RARB: variants seen among roughly 807,000 people sequenced by gnomAD.
RARB encodes HBV-activated protein.
In RARB, 17 loss-of-function variants were observed where a neutral mutation model predicts 51.9. The ratio of observed to expected loss-of-function variants is 0.33; its 90% CI spans 0.22 to 0.49. The LOEUF (loss-of-function observed/expected upper bound fraction) is 0.49, where lower values mean the gene tolerates loss of function less well. Ranked by LOEUF, RARB falls within the 20% of genes least tolerant of loss-of-function variation. The pLI is 0.99. For synonymous variants in RARB, 215 were observed against 195.4 expected, an observed-to-expected ratio of 1.10 and a Z score of -0.84; for missense variants, 369 against 550.8, an observed-to-expected ratio of 0.67 and a Z score of 3.30.
rs548078155 is a variant in RARB at position 25,190,909 on chromosome 3, G to A, written c.178+16334G>A. On this transcript the variant is annotated intron_variant, in intron 5 of 11. Coordinates refer to the RARB transcript ENST00000383772. ...AAAATCATCTGGTTCAGAAACTTGT[G>A]CTAAATCAAGTCAGAGTCAATTAAT... Among the ~76,000 whole-genome samples the A allele has an allele frequency of 2.0e-5, 3 of 152,214 alleles. No homozygotes were observed. In the South Asian group the frequency reaches 6.2e-4, roughly 32 times the overall value.
At chr3:24,911,587 T>A (rs1381850458) in intron 2 of RARB, among the ~76,000 whole-genome samples, 2 of 152,222 alleles carry the variant, frequency 1.3e-5, no homozygotes, top group Admixed American at 6.5e-5. Flanking sequence ...GGTAGTGTCT[T>A]AACACTGAAA....
chr3:24,864,035 G>A (rs1702804328), intron 2 of RARB, among the ~76,000 whole-genome samples: 1 of 152,158 alleles, frequency 6.6e-6, no homozygotes, highest in Admixed American at 6.6e-5. Context: ...GCCCATGAAT[G>A]TGATTTTCTG....
At chr3:24,881,653 C>A (rs1206179205) in intron 2 of RARB, among the ~76,000 whole-genome samples, 1 of 152,028 alleles carries the variant, frequency 6.6e-6, no homozygotes, top group Non-Finnish European at 1.5e-5. Flanking sequence ...TTACTGGAAT[C>A]CAGAAGACAA....
At chr3:25,145,821 C>G (rs1255299703) in intron 4 of RARB, among the ~76,000 whole-genome samples, 1 of 131,318 alleles carries the variant, frequency 7.6e-6, no homozygotes, top group African/African-American at 2.9e-5. Context: ...CATGGTAAAA[C>G]CCCATCTCTA....
chr3:24,962,689 C>G (rs987490046), intron 2 of RARB, among the ~76,000 whole-genome samples: 1 of 152,162 alleles, frequency 6.6e-6, no homozygotes, highest in Non-Finnish European at 1.5e-5. Flanking sequence ...GTTGCATGTC[C>G]TTATGAGAAT....
chr3:25,092,682 G>A lies in RARB; in HGVS notation c.-328+32506G>A, dbSNP rs144021196. 3.9e-3 allele frequency among the ~76,000 whole-genome samples: 591 copies of A among 152,134 alleles called. 3 individuals carry two copies. The highest frequency in any genetic ancestry group is 0.013 in the African/African-American group (534 of 41,498). ...TTTTTTAATTGTGCAGAAATTTTGC[G>A]AATGCCTTCTCTTTGATAAGACGCC... On this transcript the variant is annotated intron_variant, in intron 3 of 11. Coordinates refer to the RARB transcript ENST00000383772.
chr3:25,153,668 G>A (rs1700329662), intron 4 of RARB, among the ~76,000 whole-genome samples: 1 of 152,156 alleles, frequency 6.6e-6, no homozygotes, highest in Admixed American at 6.5e-5. Context: ...TTTTTCAACA[G>A]TCAGGCCTAA....
chr3:24,900,790 G>A (rs1254046328), intron 2 of RARB, among the ~76,000 whole-genome samples: 1 of 152,164 alleles, frequency 6.6e-6, no homozygotes, highest in Non-Finnish European at 1.5e-5. Flanking sequence ...TTCGGTTTGA[G>A]CAGTGATACC....
At chr3:24,880,099 T>G (rs1703129956) in intron 2 of RARB, among the ~76,000 whole-genome samples, 4 of 152,182 alleles carry the variant, frequency 2.6e-5, no homozygotes. Flanking sequence ...TCTTGCCAGT[T>G]CATCAATGCT....
rs185374537 is a variant in RARB at position 25,181,212 on chromosome 3, C to T, written c.178+6637C>T. 2.0e-5 allele frequency among the ~76,000 whole-genome samples: 3 copies of T among 152,252 alleles called. No homozygotes were observed. The East Asian group carries it at 5.8e-4, about 29-fold the overall frequency. The stretch of plus-strand genomic sequence containing the variant: ...ACTGAAAACCATTTAGATCTAAAAC[C>T]CTGATTGCTCTTTGGCCCTTCAGGA... On this transcript the variant is annotated intron_variant, in intron 5 of 11. Transcript: ENST00000383772.
chr3:25,474,749 TCTG>T (rs1695870597), intron 2 of RARB, among the ~76,000 whole-genome samples: 1 of 152,214 alleles, frequency 6.6e-6, no homozygotes, highest in Non-Finnish European at 1.5e-5. Context: ...ATTAAGTGAT[TCTG>T]CTAATTCTTG....
chr3:25,111,397 C>T (rs536393610), intron 3 of RARB, among the ~76,000 whole-genome samples: 25 of 152,226 alleles, frequency 1.6e-4, no homozygotes, highest in African/African-American at 5.5e-4. Flanking sequence ...CTGTTACCAC[C>T]TGTAGCCTTA....
At chr3:24,976,746 C>T (rs752981423) in intron 2 of RARB, among the ~76,000 whole-genome samples, 1 of 152,144 alleles carries the variant, frequency 6.6e-6, no homozygotes, top group Non-Finnish European at 1.5e-5. Context: ...TTTTGCTGTG[C>T]AGAAGCTCTT....
intron 1 of RARB, among the ~76,000 whole-genome samples, chr3:25,450,954 C>T (rs1026032291): frequency 7.9e-5 from 12 of 152,176 alleles, no homozygotes; most frequent in Middle Eastern, 3.4e-3. Context: ...GGCGTGGTGG[C>T]GCACATTTAT....
At chr3:25,436,925 G>C (rs1708458980) in intron 1 of RARB, among the ~76,000 whole-genome samples, 1 of 152,118 alleles carries the variant, frequency 6.6e-6, no homozygotes, top group Non-Finnish European at 1.5e-5. Context: ...AGCCTGCCTT[G>C]ACACAGGATC....
At chr3:24,971,027 C>T (rs1051566310) in intron 2 of RARB, among the ~76,000 whole-genome samples, 2 of 152,048 alleles carry the variant, frequency 1.3e-5, no homozygotes, top group Non-Finnish European at 2.9e-5. Flanking sequence ...TTCTAGTATT[C>T]CAATGTACTT....
intron 5 of RARB, among the ~76,000 whole-genome samples, chr3:25,408,921 C>T (rs921510196): frequency 1.3e-5 from 2 of 152,124 alleles, no homozygotes; most frequent in Non-Finnish European, 1.5e-5. Flanking sequence ...GTAGTCCCAG[C>T]TACTTGGGGG....
At chr3:25,059,454 T>C (rs1698504726) in intron 2 of RARB, among the ~76,000 whole-genome samples, 1 of 151,822 alleles carries the variant, frequency 6.6e-6, no homozygotes, top group Non-Finnish European at 1.5e-5. Context: ...CACTTTTACT[T>C]GGTACTTGTT....
intron 4 of RARB, among the ~76,000 whole-genome samples, chr3:25,570,642 A>G (rs1700672220): frequency 6.6e-6 from 1 of 152,176 alleles, no homozygotes; most frequent in Non-Finnish European, 1.5e-5. Context: ...GTGCCAGTGG[A>G]GGGGTCATGA....
Sources: gnomAD v4.1 joint callset for allele counts (sites outside exome capture counted in the v4.1 genomes callset) on GRCh38, gnomAD v4.1.1 for gene constraint, MANE v1.5 for transcripts, NCBI Gene and HGNC (gene_info 2026-07-23, HGNC 2026-07-21) for gene names.